MOSPD1: variants seen among roughly 807,000 people sequenced by gnomAD.
MOSPD1 encodes motile sperm domain-containing protein 1.
MOSPD1 carries 5 observed loss-of-function variants against 16.7 expected under a neutral mutation model. The observed-to-expected ratio is 0.30, with a 90% CI of 0.16 to 0.63. The LOEUF (loss-of-function observed/expected upper bound fraction) is 0.63. Ranked by LOEUF, MOSPD1 falls within the 30% of genes least tolerant of loss-of-function variation. The pLI is 0.82. For missense variants in MOSPD1, 104 were observed against 153.6 expected (o/e 0.68, Z 1.71); for synonymous variants, 67 against 59.2 (o/e 1.13, Z -0.61).
intron 1 of MOSPD1, among the ~76,000 whole-genome samples, chrX:134,911,953 G>T (rs756998703): frequency 8.9e-6 from 1 of 112,695 alleles, no homozygotes; most frequent in Non-Finnish European, 1.9e-5. Flanking sequence ...TTGGAGGCAG[G>T]ATTTAGCTGA....
At chrX:134,903,468 T>A (rs747051578) in intron 1 of MOSPD1, among the ~76,000 whole-genome samples, 1 of 109,825 alleles carries the variant, frequency 9.1e-6, no homozygotes, top group African/African-American at 3.3e-5. Context: ...TCCTAGTGCT[T>A]TGGGAGGCCG....
chrX:134,894,172 T>C (rs1004286371), intron 4 of MOSPD1, among the ~76,000 whole-genome samples: 2 of 112,349 alleles, frequency 1.8e-5, no homozygotes, highest in African/African-American at 6.5e-5. Context: ...AACACTTATA[T>C]AAGCAGATTT....
chrX:134,889,030 T>G lies in MOSPD1; in HGVS notation c.*131A>C, dbSNP rs1297061630. ...ATTAAATTATAATTTAAAATATATA[T>G]TATACATTTGCAATTATTTGAAATC... On this transcript the variant is annotated 3_prime_UTR_variant, in exon 6 of 6. Transcript: ENST00000370783. 1 of 343,676 alleles carries G rather than the reference T, an allele frequency of 2.9e-6. No individual in the cohort carries two copies. Among genetic ancestry groups the G allele is most frequent in the Non-Finnish European group, 5.0e-6 (1 of 201,104 alleles). The allele number at this position is 343,676 out of a possible 1,213,427, so 28.3% of individuals were successfully genotyped here.
At chrX:134,889,896 C>A (rs2082853425) in intron 5 of MOSPD1, among the ~76,000 whole-genome samples, 1 of 109,959 alleles carries the variant, frequency 9.1e-6, no homozygotes, top group South Asian at 3.9e-4. Context: ...CATGGCAAAA[C>A]CCCGTCTCTA....
chrX:134,895,821 C>A (rs998420471), intron 4 of MOSPD1, among the ~76,000 whole-genome samples: 1 of 110,086 alleles, frequency 9.1e-6, no homozygotes, highest in Non-Finnish European at 1.9e-5. Flanking sequence ...ATCGCAATTG[C>A]TTTTGCACCA....
At chrX:134,909,590 G>C (rs760450004) in intron 1 of MOSPD1, among the ~76,000 whole-genome samples, 2 of 111,654 alleles carry the variant, frequency 1.8e-5, no homozygotes, top group Non-Finnish European at 3.8e-5. Context: ...TTTTCCTTTA[G>C]TCTCACTAGC....
chrX:134,889,993 C>T (rs2082854109), intron 5 of MOSPD1, among the ~76,000 whole-genome samples: 1 of 105,555 alleles, frequency 9.5e-6, no homozygotes, highest in Non-Finnish European at 1.9e-5. Flanking sequence ...ATCCCCTGAA[C>T]TGGGGAGGCG....
At chrX:134,889,823 C>A (rs1000746716) in intron 5 of MOSPD1, among the ~76,000 whole-genome samples, 5 of 111,262 alleles carry the variant, frequency 4.5e-5, no homozygotes, top group Non-Finnish European at 9.4e-5. Flanking sequence ...GTAATGCCAG[C>A]ACTTTGGGAG....
At chrX:134,908,265 CTG>C (rs372273772) in intron 1 of MOSPD1, among the ~76,000 whole-genome samples, 30 of 112,071 alleles carry the variant, frequency 2.7e-4, no homozygotes, top group African/African-American at 9.4e-4. Flanking sequence ...CTACTAATAA[CTG>C]TCTCCTCCAC....
At chrX:134,907,372 T>C (rs1015825523) in intron 1 of MOSPD1, among the ~76,000 whole-genome samples, 1 of 112,441 alleles carries the variant, frequency 8.9e-6, no homozygotes, top group African/African-American at 3.2e-5. Flanking sequence ...TGCATTATCT[T>C]CATTTGTGTT....
intron 1 of MOSPD1, chrX:134,899,755 G>C: frequency 5.9e-6 from 1 of 169,935 alleles, no homozygotes; most frequent in Non-Finnish European, 1.1e-5. Context: ...GTGGTGAAAT[G>C]CTGTCTCTAC....
chrX:134,895,637 T>C (rs747404070), intron 4 of MOSPD1, among the ~76,000 whole-genome samples: 4 of 111,877 alleles, frequency 3.6e-5, no homozygotes, highest in East Asian at 2.8e-4. Flanking sequence ...TTCATAACTA[T>C]GTTAACTTTA....
At chrX:134,891,210 T>G (rs764002291) in intron 5 of MOSPD1, among the ~76,000 whole-genome samples, 1 of 111,327 alleles carries the variant, frequency 9.0e-6, no homozygotes, top group Non-Finnish European at 1.9e-5. Flanking sequence ...TATCATGGAA[T>G]GCATGCGTCT....
At chrX:134,909,722 T>C (rs1335772051) in intron 1 of MOSPD1, among the ~76,000 whole-genome samples, 4 of 112,174 alleles carry the variant, frequency 3.6e-5, no homozygotes, top group Non-Finnish European at 7.5e-5. Flanking sequence ...GATGTTCTAA[T>C]GTTTACTTTC....
Position 134,887,888 on chromosome X carries a change from T to A in MOSPD1, c.*1273A>T, listed in dbSNP as rs1387036505. ...ATGGTTAAACAGTGAGGATTTCCTA[T>A]GGAAGACTAGACATAGAAGTTTTTA... On this transcript the variant is annotated 3_prime_UTR_variant, in exon 6 of 6. Coordinates refer to ENST00000370783, the MANE Select transcript of MOSPD1 (RefSeq NM_019556.3). The A allele has an allele frequency of 1.8e-5, 2 of 113,065 alleles. No individual in the cohort carries two copies. The highest frequency in any genetic ancestry group is 5.5e-4 in the East Asian group (2 of 3,618). The allele number at this position is 113,065 out of a possible 1,213,427, so 9.3% of individuals were successfully genotyped here. A position where few individuals can be genotyped will look rare whatever the true frequency, so the allele number is the denominator to read the frequency against.
chrX:134,898,074 T>G (rs2082894900), intron 3 of MOSPD1, among the ~76,000 whole-genome samples: 1 of 110,058 alleles, frequency 9.1e-6, no homozygotes, highest in Non-Finnish European at 1.9e-5. Context: ...AGACGGGGTT[T>G]CACCATGTTG....
rs761036941 is a variant in MOSPD1, at chrX:134,899,185, T to A, written c.155-20A>T. 2 of 1,168,831 alleles carry A rather than the reference T, an allele frequency of 1.7e-6. No individual in the cohort carries two copies. Among genetic ancestry groups the A allele is most frequent in the South Asian group, 3.8e-5 (2 of 52,462 alleles). ...ACAAAACTGAAAGAAAAAGTCACAA[T>A]GGCCATTAGTGTTTTTTTTTTTTAA... is the stretch of plus-strand genomic sequence containing the variant. On this transcript the variant is annotated intron_variant, in intron 2 of 5. Coordinates refer to ENST00000370783, the MANE Select transcript of MOSPD1 (RefSeq NM_019556.3).
chrX:134,902,996 TTC>T (rs919401984), intron 1 of MOSPD1, among the ~76,000 whole-genome samples: 4 of 110,130 alleles, frequency 3.6e-5, no homozygotes, highest in African/African-American at 1.3e-4. Context: ...GTTTGATGTG[TTC>T]TCTTTTTTTT....
chrX:134,895,194 G>A (rs1427696905), intron 4 of MOSPD1, among the ~76,000 whole-genome samples: 1 of 109,999 alleles, frequency 9.1e-6, no homozygotes, highest in Non-Finnish European at 1.9e-5. Context: ...GTGTGGTGAC[G>A]AGCACCTGTA....
Sources: allele counts gnomAD v4.1 joint callset (sites outside exome capture counted in the v4.1 genomes callset), GRCh38; gene constraint gnomAD v4.1.1; transcripts MANE v1.5; gene names NCBI Gene and HGNC (gene_info 2026-07-23, HGNC 2026-07-21).